Variants in AIG1 observed in about 807,000 individuals in gnomAD.
The protein encoded by AIG1 is androgen induced 1.
A neutral mutation model predicts 31.4 loss-of-function variants in AIG1; 23 were observed. The observed-to-expected ratio is 0.73, with a 90% CI of 0.53 to 1.04. The LOEUF is 1.04. Ranked by LOEUF, AIG1 falls within the 50% of genes least tolerant of loss-of-function variation. AIG1 has a pLI of 0.00. For missense variants in AIG1, 274 were observed against 295.0 expected (o/e 0.93, Z 0.52); for synonymous variants, 100 against 110.5 (o/e 0.90, Z 0.60).
rs1653044422 is a variant in AIG1, at chr6:143,127,648, T to C, written c.142-9187T>C. On this transcript the variant is annotated intron_variant, in intron 1 of 5. Coordinates refer to ENST00000357847, the MANE Select transcript of AIG1 (RefSeq NM_016108.4). ...ATGTAGAAATGTACAAATTAGCAAC[T>C]AATTAAGGACATAACTTGATATTGT... Among the ~76,000 whole-genome samples, 5 of 152,328 alleles carry C rather than the reference T, an allele frequency of 3.3e-5. No individual in the cohort carries two copies. In the South Asian group the frequency reaches 1.0e-3, roughly 32 times the overall value.
rs145525975 is a variant in AIG1 at position 143,083,545 on chromosome 6, G to T, written c.141+22479G>T. Among the ~76,000 whole-genome samples the T allele has an allele frequency of 5.1e-3, 781 of 152,282 alleles. 6 individuals are homozygous for T. Among genetic ancestry groups the T allele is most frequent in the African/African-American group, 0.018 (760 of 41,542 alleles). On this transcript the variant is annotated intron_variant, in intron 1 of 5. Coordinates refer to ENST00000357847, the MANE Select transcript of AIG1 (RefSeq NM_016108.4). ...GAGTATAAGGGTTAGGTACAGCTGG[G>T]TATAGAGGGACAATGGCCTCATTGA... is the stretch of plus-strand genomic sequence containing the variant.
At chr6:143,060,219 T>G (rs1446622015), upstream of AIG1, among the ~76,000 whole-genome samples, 1 of 152,210 alleles carries the variant, frequency 6.6e-6, no homozygotes, top group African/African-American at 2.4e-5. Flanking sequence ...AGCCTACCCA[T>G]TGAAAGCAGA....
rs981998622 is a variant in AIG1, at chr6:143,255,539, A to G, written c.400-28571A>G. Among the ~76,000 whole-genome samples the G allele has an allele frequency of 1.1e-4, 16 of 152,122 alleles. No homozygotes were observed. In the South Asian group the frequency reaches 1.5e-3, roughly 14 times the overall value. ...ACTCTTATGACCTTGCCTAAGCTTA[A>G]TTGCTTTTTTAAAGGTTCTAGCTCC... On this transcript the variant is annotated intron_variant, in intron 3 of 5. Coordinates refer to ENST00000357847, the MANE Select transcript of AIG1 (RefSeq NM_016108.4).
At chr6:143,232,641 T>C (rs756277120) in intron 3 of AIG1, among the ~76,000 whole-genome samples, 7 of 152,236 alleles carry the variant, frequency 4.6e-5, no homozygotes, top group Non-Finnish European at 8.8e-5. Flanking sequence ...ATGTCTTGAG[T>C]AGGTTACATG....
chr6:143,295,631 A>G (rs1798370671), intron 4 of AIG1, among the ~76,000 whole-genome samples: 1 of 151,520 alleles, frequency 6.6e-6, no homozygotes, highest in African/African-American at 2.4e-5. Context: ...TGTTAGTTTC[A>G]AATCCTGCTC....
At chr6:143,276,146 A>G (rs1232684493) in intron 3 of AIG1, among the ~76,000 whole-genome samples, 2 of 152,244 alleles carry the variant, frequency 1.3e-5, no homozygotes, top group Non-Finnish European at 2.9e-5. Flanking sequence ...ATAGCCCAGT[A>G]AAACGTGTCA....
chr6:143,140,382 T>C (rs893991223), intron 2 of AIG1, among the ~76,000 whole-genome samples: 1 of 152,226 alleles, frequency 6.6e-6, no homozygotes, highest in Non-Finnish European at 1.5e-5. Context: ...TCTTTCTGTC[T>C]CTAATGTTAT....
At chr6:143,319,673 GT>G (rs140600590) in intron 4 of AIG1, among the ~76,000 whole-genome samples, 4 of 150,782 alleles carry the variant, frequency 2.7e-5, no homozygotes, top group East Asian at 1.9e-4. Context: ...TAAGAGTTGG[GT>G]TTTTTTTTGA....
chr6:143,233,378 AAT>A (rs747637289), intron 3 of AIG1, among the ~76,000 whole-genome samples: 1 of 152,078 alleles, frequency 6.6e-6, no homozygotes, highest in Non-Finnish European at 1.5e-5. Context: ...GAAATTTGGA[AAT>A]ATTTGGTGGT....
At chr6:143,072,855 T>C (rs1046010675) in intron 1 of AIG1, among the ~76,000 whole-genome samples, 1 of 152,232 alleles carries the variant, frequency 6.6e-6, no homozygotes, top group Non-Finnish European at 1.5e-5. Flanking sequence ...TTTCACAGAT[T>C]TGCCCATTTT....
chr6:143,096,474 AGGC>A (rs1236962240), intron 1 of AIG1, among the ~76,000 whole-genome samples: 1 of 152,238 alleles, frequency 6.6e-6, no homozygotes, highest in African/African-American at 2.4e-5. Flanking sequence ...AGTCTAATTT[AGGC>A]CTATCTAGCA....
chr6:143,068,863 TA>T (rs1434447569), intron 1 of AIG1, among the ~76,000 whole-genome samples: 1 of 152,190 alleles, frequency 6.6e-6, no homozygotes, highest in Non-Finnish European at 1.5e-5. Context: ...AAACTTATTT[TA>T]AAATTACGGA....
chr6:143,194,994 A>T (rs1393109430), intron 3 of AIG1, among the ~76,000 whole-genome samples: 1 of 152,246 alleles, frequency 6.6e-6, no homozygotes, highest in East Asian at 1.9e-4. Flanking sequence ...TTACCCATTC[A>T]TGGAGATTGG....
At chr6:143,296,942 T>C (rs1798467026) in intron 4 of AIG1, among the ~76,000 whole-genome samples, 1 of 152,312 alleles carries the variant, frequency 6.6e-6, no homozygotes, top group South Asian at 2.1e-4. Context: ...CAAGCACTTA[T>C]TGAGTGCCTA....
rs7762255 is a variant in AIG1, at chr6:143,108,308, G to A, written c.142-28527G>A. 7.6e-3 allele frequency among the ~76,000 whole-genome samples: 1,156 copies of A among 152,114 alleles called. 12 individuals are homozygous for A. Among genetic ancestry groups the A allele is most frequent in the African/African-American group, 0.026 (1,098 of 41,488 alleles). On this transcript the variant is annotated intron_variant, in intron 1 of 5. Transcript: ENST00000357847. ...TTTAAGATTTCTTACTTGCAACATA[G>A]CATTTAAGAAAAATTACTCAATGTA...
chr6:143,099,924 G>C (rs1441289384), intron 1 of AIG1, among the ~76,000 whole-genome samples: 2 of 152,158 alleles, frequency 1.3e-5, no homozygotes, highest in East Asian at 3.8e-4. Flanking sequence ...GGGAGGCTCA[G>C]TGCCAAACCT....
intron 3 of AIG1, among the ~76,000 whole-genome samples, chr6:143,183,553 G>T (rs909369649): frequency 2.0e-5 from 3 of 152,126 alleles, no homozygotes; most frequent in African/African-American, 7.2e-5. Context: ...GAACTAATTT[G>T]CCATGCTAGG....
chr6:143,297,632 T>C lies in AIG1; in HGVS notation c.515+13407T>C, dbSNP rs1265220055. ...TGATTGGTAGAGTGGTTGGCCCATT[T>C]CCTGTAACACTGCTCCTACTCAGCC... On this transcript the variant is annotated intron_variant, in intron 4 of 5. Coordinates refer to ENST00000357847, the MANE Select transcript of AIG1 (RefSeq NM_016108.4). The surrounding 1 kb of genome is among the most constrained non-coding windows in gnomAD (Gnocchi z 5.1). 6.6e-6 allele frequency among the ~76,000 whole-genome samples: 1 copy of C among 152,140 alleles called. No homozygotes were observed. Among genetic ancestry groups the C allele is most frequent in the African/African-American group, 2.4e-5 (1 of 41,440 alleles).
At chr6:143,114,980 T>C (rs914652843) in intron 1 of AIG1, among the ~76,000 whole-genome samples, 4 of 152,238 alleles carry the variant, frequency 2.6e-5, no homozygotes, top group African/African-American at 9.6e-5. Context: ...GGGTTTGTTG[T>C]TGCCTTACTT....
Sources: allele counts gnomAD v4.1 joint callset (sites outside exome capture counted in the v4.1 genomes callset), GRCh38; gene constraint gnomAD v4.1.1; non-coding constraint Gnocchi (gnomAD v3.1); transcripts MANE v1.5; gene names NCBI Gene and HGNC (gene_info 2026-07-23, HGNC 2026-07-21).